Variants in ACACA observed in about 807,000 individuals in gnomAD.
ACACA encodes acetyl-CoA carboxylase alpha, also known as acetyl-CoA carboxylase 1.
In ACACA, 103 loss-of-function variants were observed where a neutral mutation model predicts 296.1. The observed-to-expected ratio is 0.35, with a 90% CI of 0.30 to 0.41. The LOEUF (loss-of-function observed/expected upper bound fraction) is 0.41. Ranked by LOEUF, ACACA falls within the 10% of genes least tolerant of loss-of-function variation. The pLI, the probability that ACACA is intolerant of heterozygous loss-of-function variation, is 1.00. For missense variants in ACACA, 1,554 were observed against 2,989.7 expected (o/e 0.52, Z 11.20); for synonymous variants, 953 against 1,038.6 (o/e 0.92, Z 1.58).
chr17:37,170,935 A>G (rs1016642393), intron 41 of ACACA, among the ~76,000 whole-genome samples: 17 of 152,210 alleles, frequency 1.1e-4, no homozygotes, highest in African/African-American at 4.1e-4. Context: ...ACATGCCAGG[A>G]TTTTGTTTTT....
At chr17:37,296,696 T>C (rs1830735346) in intron 3 of ACACA, among the ~76,000 whole-genome samples, 1 of 151,904 alleles carries the variant, frequency 6.6e-6, no homozygotes, top group South Asian at 2.1e-4. Flanking sequence ...CTTGACATAG[T>C]GGTAATTAGA....
chr17:37,295,487 A>G (rs906883079), intron 3 of ACACA, among the ~76,000 whole-genome samples: 3 of 152,184 alleles, frequency 2.0e-5, no homozygotes, highest in Admixed American at 6.5e-5. Context: ...GCAGAGACTT[A>G]ACTGAAAATG....
At chr17:37,137,585 C>T (rs896283938) in intron 45 of ACACA, among the ~76,000 whole-genome samples, 1 of 152,150 alleles carries the variant, frequency 6.6e-6, no homozygotes, top group Non-Finnish European at 1.5e-5. Flanking sequence ...AAAACCTCAA[C>T]CGATTAGTAT....
intron 33 of ACACA, among the ~76,000 whole-genome samples, chr17:37,205,477 G>C (rs1472731995): frequency 6.6e-6 from 1 of 152,066 alleles, no homozygotes. Context: ...GAAAATACTT[G>C]GTAGGTGATT....
chr17:37,121,554 G>A, intron 49 of ACACA, 64 bp from the exon 50 acceptor site: 1 of 1,597,854 alleles, frequency 6.3e-7, no homozygotes, highest in Non-Finnish European at 8.6e-7. Context: ...TCTCTCCAAG[G>A]TGAACAAGAT....
chr17:37,402,421 A>G (rs1220074777), intron 1 of ACACA, among the ~76,000 whole-genome samples: 1 of 152,204 alleles, frequency 6.6e-6, no homozygotes, highest in African/African-American at 2.4e-5. Context: ...CAGTGATGAT[A>G]AAGATATAGG....
chr17:37,355,449 G>A (rs1461544486), intron 1 of ACACA, among the ~76,000 whole-genome samples: 1 of 151,642 alleles, frequency 6.6e-6, no homozygotes, highest in African/African-American at 2.4e-5. Context: ...CGAGCTACAC[G>A]GGAGGCTGAG....
At chr17:37,344,407 A>G (rs2048522591) in intron 1 of ACACA, among the ~76,000 whole-genome samples, 1 of 150,302 alleles carries the variant, frequency 6.7e-6, no homozygotes, top group African/African-American at 2.5e-5. Context: ...AAAACACAAA[A>G]ATTAGCGGGG....
chr17:37,268,743 A>ATATATATATATATATC (rs2081925875), intron 10 of ACACA, among the ~76,000 whole-genome samples: 2 of 102,050 alleles, frequency 2.0e-5, no homozygotes, highest in East Asian at 3.0e-4. Context: ...CTATCTATCT[A>ATATATATATATATATC]TATATATATA....
chr17:37,339,157 C>T (rs924974551), intron 2 of ACACA, among the ~76,000 whole-genome samples: 1 of 152,180 alleles, frequency 6.6e-6, no homozygotes, highest in Non-Finnish European at 1.5e-5. Flanking sequence ...AATAAAATCC[C>T]ATCCCAACTA....
intron 47 of ACACA, among the ~76,000 whole-genome samples, chr17:37,126,324 G>GAT (rs1395603466): frequency 1.3e-5 from 2 of 152,066 alleles, no homozygotes; most frequent in Non-Finnish European, 2.9e-5. Context: ...AAAGCAACAA[G>GAT]ATATATCTAC....
Position 37,212,022 on chromosome 17 carries a change from A to C in ACACA, c.3684-1532T>G, listed in dbSNP as rs117860485. The stretch of plus-strand genomic sequence containing the variant: ...TACAGCTGAACAGAAAACTAACTGC[A>C]GATGCTAATGAGAATAGTTTTCCTT... On this transcript the variant is annotated intron_variant, in intron 29 of 55. Coordinates refer to ENST00000616317, the MANE Select transcript of ACACA (RefSeq NM_198834.3). 1.1e-3 allele frequency among the ~76,000 whole-genome samples: 168 copies of C among 152,322 alleles called. 1 individual carries two copies. Among genetic ancestry groups the C allele is most frequent in the Non-Finnish European group, 1.9e-3 (126 of 68,026 alleles).
At chr17:37,281,699 C>G (rs2680401) in intron 5 of ACACA, among the ~76,000 whole-genome samples, 41,000 of 151,766 alleles carry the variant, frequency 0.27, 6,401 homozygotes, top group African/African-American at 0.41. Context: ...AACCCTGTCT[C>G]TACTAAAAAT....
intron 25 of ACACA, among the ~76,000 whole-genome samples, chr17:37,233,393 C>A (rs757990672): frequency 2.0e-5 from 3 of 152,150 alleles, no homozygotes; most frequent in Non-Finnish European, 2.9e-5. Context: ...GAGCTGAGCC[C>A]CTATATCTTA....
chr17:37,223,018 G>C (rs2079369713), intron 28 of ACACA, among the ~76,000 whole-genome samples: 1 of 152,102 alleles, frequency 6.6e-6, no homozygotes, highest in South Asian at 2.1e-4. Context: ...GTAACTGTAG[G>C]ATTAAATGAG....
intron 47 of ACACA, among the ~76,000 whole-genome samples, chr17:37,126,331 C>CT (rs2074784648): frequency 6.6e-6 from 1 of 152,130 alleles, no homozygotes. Flanking sequence ...CAAGATATAT[C>CT]TACTTTATTA....
At chr17:37,248,280 G>A in intron 17 of ACACA, 124 bp from the exon 18 acceptor site, 1 of 1,226,918 alleles carries the variant, frequency 8.2e-7, no homozygotes, top group Non-Finnish European at 1.2e-6. Context: ...TGGCACTGAT[G>A]CTATTTGCAT....
intron 5 of ACACA, among the ~76,000 whole-genome samples, chr17:37,281,317 C>T (rs554274277): frequency 6.6e-6 from 1 of 152,136 alleles, no homozygotes; most frequent in African/African-American, 2.4e-5. Flanking sequence ...CTTGAGCATC[C>T]CAAAGTGCTG....
intron 54 of ACACA, among the ~76,000 whole-genome samples, chr17:37,094,942 A>G (rs2072893527): frequency 6.6e-6 from 1 of 152,244 alleles, no homozygotes. Context: ...CTGTGCTTCA[A>G]TTCCAGCCAG....
Sources: gnomAD v4.1 joint callset for allele counts (sites outside exome capture counted in the v4.1 genomes callset) on GRCh38, gnomAD v4.1.1 for gene constraint, MANE v1.5 for transcripts, NCBI Gene and HGNC (gene_info 2026-07-23, HGNC 2026-07-21) for gene names.